Variants in ANO4 observed in about 807,000 individuals in gnomAD.
ANO4 encodes anoctamin-4.
Under a neutral mutation model 141.9 loss-of-function variants are expected in ANO4, and 69 were observed. The observed-to-expected ratio is 0.49, with a 90% CI of 0.40 to 0.59. ANO4 has a LOEUF of 0.59. Ranked by LOEUF, ANO4 falls within the 20% of genes least tolerant of loss-of-function variation. The probability of loss-of-function intolerance (pLI) is 0.00; values close to 1 mark genes in which losing one functional copy is unlikely to be tolerated. For missense variants in ANO4, 894 were observed against 1,162.2 expected (o/e 0.77, Z 3.36); for synonymous variants, 350 against 394.3 (o/e 0.89, Z 1.33).
intron 1 of ANO4, among the ~76,000 whole-genome samples, chr12:100,832,091 T>C (rs576856707): frequency 5.7e-4 from 87 of 152,194 alleles, no homozygotes; most frequent in Non-Finnish European, 1.1e-3. Flanking sequence ...GGTATGCACA[T>C]GTTTATGCAA....
At chr12:100,785,550 C>A (rs1028349969) in intron 3 of ANO4, among the ~76,000 whole-genome samples, 3 of 152,096 alleles carry the variant, frequency 2.0e-5, no homozygotes, top group African/African-American at 7.2e-5. Flanking sequence ...ATTTAAGATT[C>A]CCTCATGTTC....
At chr12:100,807,318 GGA>G (rs1247716748) in intron 1 of ANO4, among the ~76,000 whole-genome samples, 2 of 152,036 alleles carry the variant, frequency 1.3e-5, no homozygotes, top group African/African-American at 4.8e-5. Flanking sequence ...AACTATTTTT[GGA>G]GAGTCTGCTC....
In ANO4 at chr12:100,928,662, C is replaced by T. The variant is rs755126671; in HGVS notation, c.160+6332C>T. 4.6e-5 allele frequency among the ~76,000 whole-genome samples: 7 copies of T among 152,188 alleles called. No individual in the cohort carries two copies. In the East Asian group the frequency reaches 1.4e-3, roughly 29 times the overall value. On this transcript the variant is annotated intron_variant, in intron 3 of 27. Coordinates refer to ENST00000392977, the MANE Select transcript of ANO4 (RefSeq NM_001286615.2). ...ACCTCACTTTATGTTATGGAAAGGT[C>T]GCCAAGGCTAATGAATGAGCAAAGA...
upstream of ANO4, among the ~76,000 whole-genome samples, chr12:100,791,621 A>G (rs1032960196): frequency 2.6e-5 from 4 of 152,208 alleles, no homozygotes; most frequent in Admixed American, 6.5e-5. Flanking sequence ...TTCATGTAAC[A>G]TGGTGGGAAG....
chr12:100,896,608 A>G (rs899717954), intron 1 of ANO4, among the ~76,000 whole-genome samples: 13 of 152,212 alleles, frequency 8.5e-5, no homozygotes, highest in Admixed American at 1.3e-4. Context: ...GTTTGAACTC[A>G]TCCTGGTTGT....
chr12:100,798,346 A>G (rs1008603911), intron 1 of ANO4, among the ~76,000 whole-genome samples: 4 of 152,052 alleles, frequency 2.6e-5, no homozygotes, highest in Non-Finnish European at 4.4e-5. Context: ...GTTATGTGCG[A>G]CTCCCACATG....
chr12:101,046,565 T>C (rs1173660498), intron 13 of ANO4, among the ~76,000 whole-genome samples: 1 of 152,212 alleles, frequency 6.6e-6, no homozygotes, highest in African/African-American at 2.4e-5. Context: ...TCAGGGTCTT[T>C]GTTTTTTGTT....
chr12:101,029,136 G>A (rs1364865359), intron 9 of ANO4, among the ~76,000 whole-genome samples: 1 of 152,176 alleles, frequency 6.6e-6, no homozygotes, highest in Non-Finnish European at 1.5e-5. Flanking sequence ...AATGCTGAGG[G>A]ATTTTGTTAC....
At chr12:100,989,750 T>TATGGATGG (rs370125379) in intron 8 of ANO4, among the ~76,000 whole-genome samples, 95 of 115,466 alleles carry the variant, frequency 8.2e-4, no homozygotes, top group East Asian at 1.3e-3. Flanking sequence ...TGGATGGATA[T>TATGGATGG]ATGGATGGAT....
At chr12:100,814,220 A>T (rs972692283) in intron 1 of ANO4, among the ~76,000 whole-genome samples, 1 of 152,200 alleles carries the variant, frequency 6.6e-6, no homozygotes, top group Non-Finnish European at 1.5e-5. Flanking sequence ...CTTTAAAAAA[A>T]TTATTGAGAT....
chr12:100,751,032 G>A lies in ANO4; in HGVS notation c.358+10927G>A, dbSNP rs555449290. ...AACATGGCCTCAGCCCTCACAGAGG[G>A]ATACCTGGAGCTGGGACAGTCCTTC... On this transcript the variant is annotated intron_variant, in intron 3 of 29. Transcript: ENST00000644049. 1.3e-4 allele frequency among the ~76,000 whole-genome samples: 20 copies of A among 152,290 alleles called. No individual in the cohort carries two copies. In the South Asian group the frequency reaches 1.9e-3, roughly 14 times the overall value.
chr12:100,861,496 G>A (rs1039687924), intron 1 of ANO4, among the ~76,000 whole-genome samples: 4 of 152,096 alleles, frequency 2.6e-5, no homozygotes, highest in African/African-American at 9.7e-5. Context: ...ATAAAAAATG[G>A]TACACTTGTA....
At chr12:100,746,405 T>C (rs1433438360) in intron 3 of ANO4, among the ~76,000 whole-genome samples, 1 of 147,862 alleles carries the variant, frequency 6.8e-6, no homozygotes, top group Non-Finnish European at 1.5e-5. Context: ...GTGAGCTGAG[T>C]TGGTGCCGCT....
intron 3 of ANO4, among the ~76,000 whole-genome samples, chr12:100,741,329 G>A (rs2031856227): frequency 6.6e-6 from 1 of 152,150 alleles, no homozygotes. Flanking sequence ...TGCTGAGGTT[G>A]CAGAAGTTCC....
chr12:101,118,144 A>G (rs923052632), intron 25 of ANO4, among the ~76,000 whole-genome samples: 1 of 152,168 alleles, frequency 6.6e-6, no homozygotes, highest in Admixed American at 6.6e-5. Flanking sequence ...CATTTCGTAC[A>G]TGAAATTATT....
intron 5 of ANO4, among the ~76,000 whole-genome samples, chr12:100,967,477 A>G (rs1228718788): frequency 2.0e-5 from 3 of 152,056 alleles, no homozygotes; most frequent in African/African-American, 7.2e-5. Flanking sequence ...TTCAGTAACA[A>G]GCAGTAGGTA....
At chr12:100,856,042 A>G (rs1462955630) in intron 1 of ANO4, among the ~76,000 whole-genome samples, 2 of 152,192 alleles carry the variant, frequency 1.3e-5, no homozygotes, top group African/African-American at 4.8e-5. Flanking sequence ...GCTGGATAAT[A>G]TTCCAGGCTG....
At chr12:100,895,693 T>C (rs112236012) in intron 1 of ANO4, among the ~76,000 whole-genome samples, 2,970 of 151,342 alleles carry the variant, frequency 0.02, 99 homozygotes, top group African/African-American at 0.068. Flanking sequence ...TCCCGAGTAG[T>C]TGGGATGACA....
intron 1 of ANO4, among the ~76,000 whole-genome samples, chr12:100,732,932 G>A (rs1394343040): frequency 6.6e-6 from 1 of 152,158 alleles, no homozygotes; most frequent in Non-Finnish European, 1.5e-5. Flanking sequence ...TCTGTTCACG[G>A]TAATGAGGAA....
Sources: allele counts gnomAD v4.1 joint callset (sites outside exome capture counted in the v4.1 genomes callset), GRCh38; gene constraint gnomAD v4.1.1; transcripts MANE v1.5; gene names NCBI Gene and HGNC (gene_info 2026-07-23, HGNC 2026-07-21).